The following NINL variants were observed in gnomAD, a reference collection of about 807,000 sequenced individuals.
The protein encoded by NINL is ninein like, also known as ninein-like protein.
In NINL, 153 loss-of-function variants were observed where a neutral mutation model predicts 160.3. That is an observed-to-expected ratio of 0.95 (90% CI 0.84 to 1.09). The LOEUF (loss-of-function observed/expected upper bound fraction) is 1.09, where lower values mean the gene tolerates loss of function less well. NINL is among the 50% of genes least tolerant of loss of function. NINL has a pLI of 0.00. For synonymous variants in NINL, 800 were observed against 734.8 expected (o/e 1.09, Z -1.43); for missense variants, 1,829 against 1,764.0 (o/e 1.04, Z -0.66).
intron 1 of NINL, among the ~76,000 whole-genome samples, chr20:25,555,146 T>C (rs1235145785): frequency 1.3e-5 from 2 of 152,192 alleles, no homozygotes; most frequent in African/African-American, 2.4e-5. Context: ...ATCTTCCTCA[T>C]GGTCCTGACC....
In NINL at chr20:25,452,854, C is replaced by T. The variant is rs545822849; in HGVS notation, c.*597G>A. 1 of 149,548 alleles carries T rather than the reference C, an allele frequency of 6.7e-6. No homozygotes were observed. The highest frequency in any genetic ancestry group is 2.0e-4 in the East Asian group (1 of 5,078). The allele number at this position is 149,548 out of a possible 1,614,324, so 9.3% of individuals were successfully genotyped here. On this transcript the variant is annotated 3_prime_UTR_variant, in exon 24 of 24. Transcript: ENST00000278886. ...TATAGTACAATTTCCAGTGTGATGA[C>T]ATTTCAATGGGAAAAAGATTGTGCA...
Position 25,476,683 on chromosome 20 carries a change from C to A in NINL, c.2608G>T (p.Glu870Ter). The A allele has an allele frequency of 6.3e-7, 1 of 1,592,796 alleles. No homozygotes were observed. Residue 870 changes from glutamate (E) to a stop codon, truncating the protein, a stop_gained, in exon 17 of 24, where the codon GAG becomes TAG. Transcript: ENST00000278886. LOFTEE classifies it high-confidence loss of function. ...CGAGGCCCGGCTCCTGCCGCCTCCT[C>A]AGACTCTCTGCCATCACCTGGGGCC... is the stretch of plus-strand genomic sequence containing the variant. ...WLAPGDGRES[E>*]EAAGAGPRRR...
chr20:25,516,294 G>A (rs144897183), intron 3 of NINL, among the ~76,000 whole-genome samples: 1 of 152,080 alleles, frequency 6.6e-6, no homozygotes, highest in Admixed American at 6.5e-5. Context: ...AGCAATATGA[G>A]AACAAACTAA....
intron 16 of NINL, among the ~76,000 whole-genome samples, chr20:25,477,584 G>T (rs2146531853): frequency 6.6e-6 from 1 of 152,348 alleles, no homozygotes; most frequent in Non-Finnish European, 1.5e-5. Flanking sequence ...GAAGTGAAGT[G>T]AGAGCTGGCA....
rs1488964617 is a variant in NINL, at chr20:25,541,228, T to TC, written c.-11-14631dup. On this transcript the variant is annotated intron_variant, in intron 1 of 23. Coordinates refer to ENST00000278886, the MANE Select transcript of NINL (RefSeq NM_025176.6). ...GCTCTGTGGTCTTGGACACATTACT[T>TC]CACCTCCCTGAACCTCAGTTTCGTG... is the stretch of plus-strand genomic sequence containing the variant. 2.6e-5 allele frequency among the ~76,000 whole-genome samples: 4 copies of TC among 152,226 alleles called. No homozygotes were observed. The East Asian group carries it at 7.7e-4, about 29-fold the overall frequency.
At chr20:25,539,578 C>T (rs1426578642) in intron 1 of NINL, among the ~76,000 whole-genome samples, 2 of 152,214 alleles carry the variant, frequency 1.3e-5, no homozygotes, top group Non-Finnish European at 2.9e-5. Flanking sequence ...ACTACCGTCC[C>T]ATGTATGTAC....
chr20:25,564,227 G>A (rs764493889), intron 1 of NINL, among the ~76,000 whole-genome samples: 7 of 149,356 alleles, frequency 4.7e-5, no homozygotes, highest in East Asian at 2.0e-4. Context: ...TCAGCTCACC[G>A]CAATCTCTGC....
intron 21 of NINL, 44 bp from the exon 22 acceptor site, chr20:25,458,573 G>A (rs568229769): frequency 1.5e-5 from 22 of 1,507,086 alleles, no homozygotes; most frequent in African/African-American, 5.5e-5. Context: ...CTGCTGAGAC[G>A]CGGCACAGAG....
chr20:25,462,012 T>C (rs1166497014), intron 20 of NINL, among the ~76,000 whole-genome samples: 1 of 152,214 alleles, frequency 6.6e-6, no homozygotes, highest in Non-Finnish European at 1.5e-5. Flanking sequence ...TTTGCTATTA[T>C]AAACAGCACA....
At chr20:25,483,923 T>C (rs1423250967) in intron 13 of NINL, among the ~76,000 whole-genome samples, 1 of 152,216 alleles carries the variant, frequency 6.6e-6, no homozygotes, top group Non-Finnish European at 1.5e-5. Context: ...GACTTGTGAC[T>C]GCTTCGACCT....
At chr20:25,490,322 A>C (rs1255477438) in intron 11 of NINL, among the ~76,000 whole-genome samples, 1 of 152,214 alleles carries the variant, frequency 6.6e-6, no homozygotes, top group African/African-American at 2.4e-5. Context: ...GCACTTTGGG[A>C]GGCCGAGGCG....
At chr20:25,577,243 G>A (rs533975352) in intron 1 of NINL, among the ~76,000 whole-genome samples, 38 of 152,338 alleles carry the variant, frequency 2.5e-4, no homozygotes, top group Admixed American at 9.2e-4. Flanking sequence ...TCCCAGGACC[G>A]TGGGTACTCA....
intron 1 of NINL, 31 bp downstream of exon 1, chr20:25,585,424 A>C (rs1159351454): frequency 6.6e-6 from 1 of 152,062 alleles, no homozygotes; most frequent in Non-Finnish European, 1.5e-5. Flanking sequence ...CAGCCGCCTG[A>C]ATGTCCCGCC....
intron 21 of NINL, among the ~76,000 whole-genome samples, chr20:25,459,734 A>G (rs67679582): frequency 0.051 from 7,830 of 152,174 alleles, 213 homozygotes; most frequent in Middle Eastern, 0.11. Flanking sequence ...GCCGCTCCAC[A>G]GCATGGCCAG....
At chr20:25,484,340 C>T (rs1268558196) in intron 13 of NINL, among the ~76,000 whole-genome samples, 1 of 152,144 alleles carries the variant, frequency 6.6e-6, no homozygotes, top group African/African-American at 2.4e-5. Flanking sequence ...GACACAGCGA[C>T]CCCTAGGAGC....
intron 19 of NINL, chr20:25,462,797 G>A (rs969973859): frequency 1.7e-5 from 6 of 354,884 alleles, no homozygotes; most frequent in South Asian, 1.2e-4. Flanking sequence ...TGGGACCACA[G>A]GCACACGTCA....
chr20:25,484,901 C>T (rs936256166), intron 13 of NINL, among the ~76,000 whole-genome samples: 3 of 152,102 alleles, frequency 2.0e-5, no homozygotes, highest in African/African-American at 2.4e-5. Context: ...TGGTGATTAC[C>T]GAGCAGAGAA....
intron 1 of NINL, among the ~76,000 whole-genome samples, chr20:25,575,764 CAA>C (rs66866946): frequency 2.7e-5 from 4 of 150,940 alleles, no homozygotes; most frequent in African/African-American, 4.9e-5. Context: ...CACAAAACAA[CAA>C]AAAAAAAAAC....
chr20:25,520,306 C>G (rs927973494), intron 2 of NINL, among the ~76,000 whole-genome samples: 1 of 152,142 alleles, frequency 6.6e-6, no homozygotes. Context: ...AAAATATCAC[C>G]ACTAAGTGTT....
Sources: allele counts gnomAD v4.1 joint callset (sites outside exome capture counted in the v4.1 genomes callset), GRCh38; gene constraint gnomAD v4.1.1; transcripts MANE v1.5; gene names NCBI Gene and HGNC (gene_info 2026-07-23, HGNC 2026-07-21).